Variants in ENTREP2 observed in about 807,000 individuals in gnomAD.
The protein encoded by ENTREP2 is protein ENTREP2.
chr15:29,552,884 A>C, the ENTREP2 span, among the ~76,000 whole-genome samples: 2 of 152,214 alleles, frequency 1.3e-5, no homozygotes, highest in African/African-American at 4.8e-5. Context: ...TCCTGAAAAG[A>C]ACGGCACATC....
the ENTREP2 span, among the ~76,000 whole-genome samples, chr15:29,300,687 C>T: frequency 6.6e-6 from 1 of 152,154 alleles, no homozygotes; most frequent in Non-Finnish European, 1.5e-5. Flanking sequence ...CAACCTCCAC[C>T]TCCCGGGTTC....
the ENTREP2 span, among the ~76,000 whole-genome samples, chr15:29,595,201 T>C: frequency 8.6e-3 from 1,308 of 151,866 alleles, 17 homozygotes; most frequent in African/African-American, 0.03. Context: ...TGCAGTGAGC[T>C]GAGTTCGCGC....
chr15:29,552,995 T>C, the ENTREP2 span, among the ~76,000 whole-genome samples: 2 of 152,222 alleles, frequency 1.3e-5, no homozygotes, highest in African/African-American at 4.8e-5. Context: ...TGGATTGGAA[T>C]GTTTCATACT....
chr15:29,608,666 C>T, the ENTREP2 span, among the ~76,000 whole-genome samples: 24 of 151,814 alleles, frequency 1.6e-4, no homozygotes, highest in Admixed American at 5.9e-4. Flanking sequence ...CTCCCAGGTT[C>T]GCCCATTCTC....
the ENTREP2 span, among the ~76,000 whole-genome samples, chr15:29,657,494 G>GGGGCCA: frequency 6.2e-5 from 8 of 128,590 alleles, no homozygotes; most frequent in Non-Finnish European, 8.4e-5. Flanking sequence ...GGGGGGGGGG[G>GGGGCCA]GTGGCCAGCT....
chr15:29,367,397 C>T, the ENTREP2 span, among the ~76,000 whole-genome samples: 1 of 152,214 alleles, frequency 6.6e-6, no homozygotes, highest in East Asian at 1.9e-4. Context: ...ACCCTGAGCT[C>T]ACCCAGTGTG....
At chr15:29,415,491 G>A in the ENTREP2 span, among the ~76,000 whole-genome samples, 9 of 152,160 alleles carry the variant, frequency 5.9e-5, no homozygotes, top group African/African-American at 2.2e-4. Flanking sequence ...GTATTGATGG[G>A]ATGTATCTCA....
chr15:29,236,890 A>G, the ENTREP2 span, among the ~76,000 whole-genome samples: 1 of 152,060 alleles, frequency 6.6e-6, no homozygotes, highest in Non-Finnish European at 1.5e-5. Flanking sequence ...AAAAGAAGGA[A>G]GGAAGGAAGG....
At chr15:29,427,069 C>A in the ENTREP2 span, among the ~76,000 whole-genome samples, 1 of 152,086 alleles carries the variant, frequency 6.6e-6, no homozygotes, top group Non-Finnish European at 1.5e-5. Context: ...TGTTCTTTGA[C>A]CCTAGGTGAT....
the ENTREP2 span, among the ~76,000 whole-genome samples, chr15:29,344,163 C>A: frequency 6.6e-6 from 1 of 152,206 alleles, no homozygotes; most frequent in Non-Finnish European, 1.5e-5. Context: ...CAGGCCACGA[C>A]CTGGGCTGGA....
chr15:29,531,189 G>A, the ENTREP2 span, among the ~76,000 whole-genome samples: 1 of 152,138 alleles, frequency 6.6e-6, no homozygotes. Flanking sequence ...AATCCTTTAT[G>A]CGTGACAGTC....
At chr15:29,289,970 C>T in the ENTREP2 span, among the ~76,000 whole-genome samples, 4 of 152,126 alleles carry the variant, frequency 2.6e-5, no homozygotes, top group African/African-American at 4.8e-5. Flanking sequence ...AGGATGTATA[C>T]GACGAAACAC....
the ENTREP2 span, among the ~76,000 whole-genome samples, chr15:29,138,581 A>ATGTGCATATGTTATGTGTG: frequency 0.35 from 52,464 of 151,654 alleles, 10,191 homozygotes; most frequent in African/African-American, 0.53. Flanking sequence ...GTGCATGTGC[A>ATGTGCATATGTTATGTGTG]TGTGTCTGTG....
the ENTREP2 span, among the ~76,000 whole-genome samples, chr15:29,662,651 G>A: frequency 1.3e-5 from 2 of 152,088 alleles, no homozygotes. Context: ...TCTGTCTGCT[G>A]GCTCTCTGCT....
chr15:29,227,699 T>G, the ENTREP2 span, among the ~76,000 whole-genome samples: 1 of 152,156 alleles, frequency 6.6e-6, no homozygotes, highest in African/African-American at 2.4e-5. Context: ...GCTGAATACC[T>G]TCTGGAAAGA....
At chr15:29,537,868 G>A in the ENTREP2 span, among the ~76,000 whole-genome samples, 2 of 152,016 alleles carry the variant, frequency 1.3e-5, no homozygotes, top group African/African-American at 2.4e-5. Context: ...TTGCTGTCCT[G>A]TGAACAACCC....
the ENTREP2 span, among the ~76,000 whole-genome samples, chr15:29,408,754 C>T: frequency 6.6e-6 from 1 of 152,022 alleles, no homozygotes; most frequent in African/African-American, 2.4e-5. Flanking sequence ...GATTTTTAAA[C>T]TTTATATTCT....
chr15:29,177,402 T>C, the ENTREP2 span, among the ~76,000 whole-genome samples: 1 of 152,048 alleles, frequency 6.6e-6, no homozygotes, highest in African/African-American at 2.4e-5. Context: ...AGTCAGAAAA[T>C]ATATTGGTGG....
the ENTREP2 span, among the ~76,000 whole-genome samples, chr15:29,148,866 A>T: frequency 2.0e-5 from 3 of 150,904 alleles, no homozygotes; most frequent in African/African-American, 4.9e-5. Context: ...GACTCCCTCC[A>T]GATTTTTTTT....
Sources: allele counts gnomAD v4.1 joint callset (sites outside exome capture counted in the v4.1 genomes callset), GRCh38; gene constraint gnomAD v4.1.1; transcripts MANE v1.5; gene names NCBI Gene and HGNC (gene_info 2026-07-23, HGNC 2026-07-21).